The following DMRT3 variants were observed in gnomAD, a reference collection of about 807,000 sequenced individuals.
DMRT3 encodes doublesex and mab-3 related transcription factor 3, also known as doublesex- and mab-3-related transcription factor 3.
Under a neutral mutation model 34.9 loss-of-function variants are expected in DMRT3, and 29 were observed. That is an observed-to-expected ratio of 0.83 (90% CI 0.62 to 1.13). The LOEUF (loss-of-function observed/expected upper bound fraction) is 1.13, where lower values mean the gene tolerates loss of function less well. DMRT3 is among the 50% of genes most tolerant of loss of function. The pLI, the probability that DMRT3 is intolerant of heterozygous loss-of-function variation, is 0.00. For missense variants in DMRT3, 772 were observed against 629.1 expected (o/e 1.23, Z -2.43); for synonymous variants, 350 against 286.0 (o/e 1.22, Z -2.26).
intron 1 of DMRT3, 117 bp downstream of exon 1, chr9:977,572 C>T: frequency 6.1e-6 from 6 of 980,936 alleles, no homozygotes; most frequent in Non-Finnish European, 7.6e-6. Context: ...CCTGTCGGGG[C>T]TTTCCTTCCT....
In DMRT3 at chr9:976,949, C is replaced by A. The variant is rs1017926806; in HGVS notation, c.-53C>A. On this transcript the variant is annotated 5_prime_UTR_variant, in exon 1 of 2. Coordinates refer to ENST00000190165, the MANE Select transcript of DMRT3 (RefSeq NM_021240.4). This position sits in a 1 kb window ranked among gnomAD's most constrained non-coding sequence, Gnocchi z 4.5. The stretch of plus-strand genomic sequence containing the variant: ...GGCCTCGCAGCCCCGCCGTCCAGCG[C>A]TCCCTGGCCCTCTCCCGCAGCCAGG... 70 of 1,402,862 alleles carry A rather than the reference C, an allele frequency of 5.0e-5. No individual in the cohort carries two copies. The highest frequency in any genetic ancestry group is 1.2e-4 in the Admixed American group (4 of 32,128). 86.9% of individuals were successfully genotyped at this position (1,402,862 alleles called of 1,614,324 possible).
chr9:986,075 A>G (rs1008013210), intron 1 of DMRT3, among the ~76,000 whole-genome samples: 2 of 152,210 alleles, frequency 1.3e-5, no homozygotes, highest in African/African-American at 4.8e-5. Flanking sequence ...CCACTCCTTG[A>G]CAAGTAACCA....
intron 1 of DMRT3, among the ~76,000 whole-genome samples, chr9:982,655 C>A (rs533646299): frequency 7.2e-5 from 11 of 152,322 alleles, no homozygotes; most frequent in African/African-American, 2.2e-4. Flanking sequence ...TTTCTGCTAA[C>A]AGCTTTACAG....
rs369884717 is a variant in DMRT3, at chr9:990,876, G to A, written c.1290G>A (p.Thr430=). 3.0e-4 allele frequency: 487 copies of A among 1,613,930 alleles called. 2 individuals carry two copies. Among genetic ancestry groups the A allele is most frequent in the Middle Eastern group, 6.6e-4 (4 of 6,084 alleles). The stretch of plus-strand genomic sequence containing the variant: ...CGCCCGTCCTTCCTGCCCGCGCCAC[G>A]GAAGACCCTCGGATTTCCATCCCTG... ...RSSPVLPARA[T]EDPRISIPDD... Residue 430 remains threonine, a synonymous_variant, in exon 2 of 2, where the codon ACG becomes ACA. Transcript: ENST00000190165.
In DMRT3 at chr9:977,092, C is replaced by T. The variant is rs759300751; in HGVS notation, c.91C>T (p.Arg31Cys). ...APLQRTPKCA[R>C]CRNHGVLSWL... is the part of the protein sequence containing the mutation. The stretch of plus-strand genomic sequence containing the variant: ...CCTGCAGCGCACGCCCAAGTGCGCG[C>T]GCTGCCGCAACCATGGCGTCCTGTC... Residue 31 changes from arginine (R) to cysteine (C), a missense_variant, in exon 1 of 2, where the codon CGC (arginine) becomes TGC (cysteine). Transcript: ENST00000190165. 1.2e-6 allele frequency: 2 copies of T among 1,600,948 alleles called. No individual in the cohort carries two copies. The highest frequency in any genetic ancestry group is 1.1e-5 in the South Asian group (1 of 89,386).
chr9:977,077 A>G lies in DMRT3; in HGVS notation c.76A>G (p.Thr26Ala). Residue 26 changes from threonine (T) to alanine (A), a missense_variant, in exon 1 of 2, where the codon ACG becomes GCG. Thr to Ala is a moderately conservative substitution (Grantham distance 58). Coordinates refer to ENST00000190165, the MANE Select transcript of DMRT3 (RefSeq NM_021240.4). ...GCCGCCACGGGCGCCCCTGCAGCGC[A>G]CGCCCAAGTGCGCGCGCTGCCGCAA... ...SQPPRAPLQR[T>A]PKCARCRNHG... is the part of the protein sequence containing the mutation. 1 of 1,592,554 alleles carries G rather than the reference A, an allele frequency of 6.3e-7. No homozygotes were observed. Among genetic ancestry groups the G allele is most frequent in the South Asian group, 1.1e-5 (1 of 88,488 alleles).
chr9:990,369 C>G lies in DMRT3; in HGVS notation c.783C>G (p.Asn261Lys), dbSNP rs777202996. The stretch of plus-strand genomic sequence containing the variant: ...AAGTGTTAAAAAAGATATTCCCCAA[C>G]CAGAAGCCAACGGTGCTTGAGCTCA... Reference protein sequence around the residue: ...PLEVLKKIFPNQKPTVLELIL... With the variant: ...PLEVLKKIFPKQKPTVLELIL... Residue 261 changes from asparagine to lysine, a missense_variant, in exon 2 of 2, where the codon AAC (asparagine) becomes AAG (lysine). Transcript: ENST00000190165. 1 of 1,614,022 alleles carries G rather than the reference C, an allele frequency of 6.2e-7. No homozygotes were observed. The highest frequency in any genetic ancestry group is 8.5e-7 in the Non-Finnish European group (1 of 1,180,036).
Position 989,647 on chromosome 9 carries a change from C to T in DMRT3, c.455-394C>T, listed in dbSNP as rs75083521. ...GGGACCTTATTTGCAGAAGAGGAGC[C>T]GGAAGACAAGCTGAGCTGATTTTCC... On this transcript the variant is annotated intron_variant, in intron 1 of 1. Transcript: ENST00000190165. 3.6e-3 allele frequency among the ~76,000 whole-genome samples: 549 copies of T among 152,258 alleles called. 3 individuals are homozygous for T. In the Middle Eastern group the frequency reaches 0.044, roughly 12 times the overall value.
chr9:990,252 G>A lies in DMRT3; in HGVS notation c.666G>A (p.Lys222=), dbSNP rs1586686844. Residue 222 remains lysine (K), a synonymous_variant, in exon 2 of 2, where the codon AAG becomes AAA. Transcript: ENST00000190165. ...GNPESRPDSP[K]CHAEQNHLLI... is the part of the protein sequence containing the mutation. ...CCGAGAGCCGCCCTGACAGCCCCAA[G>A]TGTCACGCGGAGCAGAATCACCTCC... 2 of 1,614,002 alleles carry A rather than the reference G, an allele frequency of 1.2e-6. No homozygotes were observed.
Position 990,301 on chromosome 9 carries a change from G to A in DMRT3, c.715G>A (p.Val239Ile). The A allele has an allele frequency of 6.2e-7, 1 of 1,613,822 alleles. No homozygotes were observed. The highest frequency in any genetic ancestry group is 8.5e-7 in the Non-Finnish European group (1 of 1,180,016). ...HLLIEGPSGT[V>I]SLPFSLKANR... is the part of the protein sequence containing the mutation. Reference sequence around the variant, plus strand: ...CCTGATTGAGGGCCCCTCGGGGACTGTTTCTCTGCCCTTCAGCTTGAAAGC... The same window carrying A: ...CCTGATTGAGGGCCCCTCGGGGACTATTTCTCTGCCCTTCAGCTTGAAAGC... The change falls in exon 2 of 2, where the codon GTT (valine) becomes ATT (isoleucine). Residue 239 changes from valine to isoleucine, a missense_variant. Transcript: ENST00000190165.
chr9:985,432 C>A (rs750820217), intron 1 of DMRT3, among the ~76,000 whole-genome samples: 9 of 152,122 alleles, frequency 5.9e-5, no homozygotes, highest in Non-Finnish European at 1.2e-4. Context: ...TTTCACATTT[C>A]TATGTCTAGA....
chr9:982,597 C>T (rs1055028010), intron 1 of DMRT3, among the ~76,000 whole-genome samples: 1 of 152,166 alleles, frequency 6.6e-6, no homozygotes, highest in African/African-American at 2.4e-5. Context: ...TTGCAAAATA[C>T]AATCAAAGAG....
chr9:987,014 C>A (rs947722730), intron 1 of DMRT3, among the ~76,000 whole-genome samples: 3 of 151,996 alleles, frequency 2.0e-5, no homozygotes, highest in African/African-American at 7.2e-5. Flanking sequence ...TACTATGACA[C>A]TGTGTGGCAT....
In DMRT3 at chr9:990,778, C is replaced by A. The variant is rs1177999153; in HGVS notation, c.1192C>A (p.Gln398Lys). 4 of 1,614,064 alleles carry A rather than the reference C, an allele frequency of 2.5e-6. No homozygotes were observed. The Admixed American group carries it at 6.7e-5, about 27-fold the overall frequency. ...CACCCTGTGGAACACCATGACGCTG[C>A]AGCAGCAGTATCAGCTGAGGTCCCA... Reference protein sequence around the residue: ...DVTLWNTMTLQQQYQLRSQYV... With the variant: ...DVTLWNTMTLKQQYQLRSQYV... The change falls in exon 2 of 2, where the codon CAG becomes AAG. Residue 398 changes from glutamine to lysine, a missense_variant. By Grantham distance (53) the Gln-to-Lys change is moderately conservative (BLOSUM62 1). Transcript: ENST00000190165.
At chr9:984,230 C>T (rs1586684120) in intron 1 of DMRT3, among the ~76,000 whole-genome samples, 1 of 152,110 alleles carries the variant, frequency 6.6e-6, no homozygotes, top group East Asian at 1.9e-4. Context: ...CAGGTGTGTT[C>T]CCCACAGCTC....
In DMRT3 at chr9:977,136, G is replaced by A. The variant is rs772409525; in HGVS notation, c.135G>A (p.Lys45=). Residue 45 remains lysine, a synonymous_variant, in exon 1 of 2, where the codon AAG becomes AAA. Coordinates refer to ENST00000190165, the MANE Select transcript of DMRT3 (RefSeq NM_021240.4). ...TCCTGTCCTGGCTCAAGGGCCACAA[G>A]CGTTACTGCCGCTTCAAGGACTGCA... ...HGVLSWLKGH[K]RYCRFKDCTC... is the part of the protein sequence containing the mutation. The A allele has an allele frequency of 1.2e-6, 2 of 1,611,260 alleles. No homozygotes were observed. The highest frequency in any genetic ancestry group is 1.3e-5 in the African/African-American group (1 of 74,964).
chr9:991,081 A>T lies in DMRT3; in HGVS notation c.*76A>T. 6.6e-7 allele frequency: 1 copy of T among 1,516,606 alleles called. No homozygotes were observed. The highest frequency in any genetic ancestry group is 8.9e-7 in the Non-Finnish European group (1 of 1,124,964). 93.9% of individuals were successfully genotyped at this position (1,516,606 alleles called of 1,614,324 possible). On this transcript the variant is annotated 3_prime_UTR_variant, in exon 2 of 2. Coordinates refer to ENST00000190165, the MANE Select transcript of DMRT3 (RefSeq NM_021240.4). ...CCTGAGGCATCTGAGGAGAGGCCAC[A>T]TCTTGTGTATGCCCTTTCCTTCTGT...
intron 1 of DMRT3, among the ~76,000 whole-genome samples, chr9:978,152 C>T (rs1344717386): frequency 6.6e-6 from 1 of 152,198 alleles, no homozygotes; most frequent in Non-Finnish European, 1.5e-5. Flanking sequence ...CCAGAATTCA[C>T]TCCTTTGCAG....
intron 1 of DMRT3, chr9:989,831 C>T (rs946244856): frequency 3.7e-5 from 21 of 563,714 alleles, no homozygotes; most frequent in Non-Finnish European, 6.3e-5. Context: ...TTCCAGGAAG[C>T]CACTCTGATT....
Sources: allele counts gnomAD v4.1 joint callset (sites outside exome capture counted in the v4.1 genomes callset), GRCh38; gene constraint gnomAD v4.1.1; non-coding constraint Gnocchi (gnomAD v3.1); transcripts MANE v1.5; gene names NCBI Gene and HGNC (gene_info 2026-07-23, HGNC 2026-07-21).